The following ENTPD1 variants were observed in gnomAD, a reference collection of about 807,000 sequenced individuals.
ENTPD1 encodes the protein ectonucleoside triphosphate diphosphohydrolase 1.
In ENTPD1, 33 loss-of-function variants were observed where a neutral mutation model predicts 57.0. The observed-to-expected ratio is 0.58, with a 90% CI of 0.44 to 0.77. The LOEUF (loss-of-function observed/expected upper bound fraction) is 0.77. Among genes scored for constraint, ENTPD1 ranks in the 30% least tolerant of loss-of-function variants. The pLI, the probability that ENTPD1 is intolerant of heterozygous loss-of-function variation, is 0.00. For synonymous variants in ENTPD1, 202 were observed against 218.8 expected, an observed-to-expected ratio of 0.92 and a Z score of 0.68; for missense variants, 501 against 603.4, an observed-to-expected ratio of 0.83 and a Z score of 1.78.
chr10:95,725,349 G>C (rs561249043), intron 1 of ENTPD1, among the ~76,000 whole-genome samples: 11 of 151,900 alleles, frequency 7.2e-5, no homozygotes, highest in Non-Finnish European at 1.6e-4. Context: ...AGTTTATACT[G>C]ACTTCTTTAT....
intron 1 of ENTPD1, among the ~76,000 whole-genome samples, chr10:95,731,538 C>T (rs1167162606): frequency 6.6e-6 from 1 of 152,030 alleles, no homozygotes; most frequent in Non-Finnish European, 1.5e-5. Context: ...AGCCCATGCA[C>T]AGGACCGGCC....
chr10:95,749,772 A>C lies in ENTPD1; in HGVS notation c.37+37779A>C, dbSNP rs541255310. ...TAGAGGTGACCAACTTCCTGGTGGG[A>C]AGTTGGAAGGACTTTGGCTTTTCTT... On this transcript the variant is annotated intron_variant, in intron 1 of 9. Coordinates refer to the ENTPD1 transcript ENST00000453258. Among the ~76,000 whole-genome samples the C allele has an allele frequency of 7.9e-5, 12 of 152,298 alleles. No homozygotes were observed. In the South Asian group the frequency reaches 1.7e-3, roughly 21 times the overall value.
At chr10:95,701,340 G>A in the ENTPD1 span, among the ~76,000 whole-genome samples, 1 of 152,194 alleles carries the variant, frequency 6.6e-6, no homozygotes, top group South Asian at 2.1e-4. Context: ...TTATATTTGA[G>A]GGCAATATAT....
chr10:95,868,485 GA>G lies in ENTPD1; in HGVS notation c.*2103del. 1 of 985,410 alleles carries G rather than the reference GA, an allele frequency of 1.0e-6. No individual in the cohort carries two copies. The highest frequency in any genetic ancestry group is 1.2e-6 in the Non-Finnish European group (1 of 829,938). The allele number at this position is 985,410 out of a possible 1,614,324, so 61.0% of individuals were successfully genotyped here. A position where few individuals can be genotyped will look rare whatever the true frequency, so the allele number is the denominator to read the frequency against. ...TTTAATGTTTGCTCACAGCATAGTA[GA>G]TTGACATCAAATAGTGGCCGATGAT... On this transcript the variant is annotated 3_prime_UTR_variant, in exon 10 of 10. Transcript: ENST00000371205.
At chr10:95,718,531 T>C (rs1345266876) in intron 1 of ENTPD1, among the ~76,000 whole-genome samples, 1 of 152,170 alleles carries the variant, frequency 6.6e-6, no homozygotes, top group Non-Finnish European at 1.5e-5. Context: ...GGCTTCCTGA[T>C]GTTTGATAGG....
chr10:95,776,201 T>A (rs2140140194), intron 1 of ENTPD1, among the ~76,000 whole-genome samples: 1 of 152,356 alleles, frequency 6.6e-6, no homozygotes, highest in African/African-American at 2.4e-5. Context: ...CTGGTTATTT[T>A]ACCCATTAGT....
chr10:95,733,516 G>C (rs534581876), intron 1 of ENTPD1, among the ~76,000 whole-genome samples: 21 of 152,326 alleles, frequency 1.4e-4, no homozygotes, highest in African/African-American at 4.8e-4. Context: ...AGTGATAAAT[G>C]TCCATGAAAT....
Position 95,868,263 on chromosome 10 carries a change from A to G in ENTPD1, c.*1880A>G, listed in dbSNP as rs1476796548. On this transcript the variant is annotated 3_prime_UTR_variant, in exon 10 of 10. Coordinates refer to ENST00000371205, the MANE Select transcript of ENTPD1 (RefSeq NM_001776.6). ...CCCGAACATACCAGGCTGTCTCCTC[A>G]TAACTTCCAAGCATGCACTTAAAAC... 21 of 985,350 alleles carry G rather than the reference A, an allele frequency of 2.1e-5. No homozygotes were observed. The highest frequency in any genetic ancestry group is 2.5e-5 in the Non-Finnish European group (21 of 829,946). The allele number at this position is 985,350 out of a possible 1,614,324, so 61.0% of individuals were successfully genotyped here.
At chr10:95,696,341 C>T in the ENTPD1 span, among the ~76,000 whole-genome samples, 22 of 152,244 alleles carry the variant, frequency 1.4e-4, no homozygotes, top group East Asian at 3.9e-4. Flanking sequence ...AGTGCAGTGG[C>T]GCCATCTTGG....
chr10:95,739,286 C>CT (rs1297561552), intron 1 of ENTPD1, among the ~76,000 whole-genome samples: 2 of 152,120 alleles, frequency 1.3e-5, no homozygotes, highest in Non-Finnish European at 2.9e-5. Flanking sequence ...TTGACTCTTC[C>CT]TTTTATGACA....
chr10:95,714,608 C>T (rs572357408), intron 1 of ENTPD1, among the ~76,000 whole-genome samples: 28 of 152,224 alleles, frequency 1.8e-4, no homozygotes, highest in African/African-American at 6.5e-4. Context: ...GCTTATAACA[C>T]TTTATGATAT....
At position 95,867,744 on chromosome 10, in the gene ENTPD1, T is replaced by C. The variant is rs185581824; in HGVS notation, c.*1361T>C. 1.0e-6 allele frequency: 1 copy of C among 985,472 alleles called. No homozygotes were observed. Among genetic ancestry groups the C allele is most frequent in the Admixed American group, 6.1e-5 (1 of 16,292 alleles). 61.0% of individuals were successfully genotyped at this position (985,472 alleles called of 1,614,324 possible). ...TGACTGGTGATGTTTCATTCTGACCTTGTCCCAAGCTCTCCATCTCTAGAT... is the reference window on the plus strand; with the variant it reads ...TGACTGGTGATGTTTCATTCTGACCCTGTCCCAAGCTCTCCATCTCTAGAT... On this transcript the variant is annotated 3_prime_UTR_variant, in exon 10 of 10. Coordinates refer to ENST00000371205, the MANE Select transcript of ENTPD1 (RefSeq NM_001776.6).
upstream of ENTPD1, among the ~76,000 whole-genome samples, chr10:95,751,107 A>C (rs1457138668): frequency 1.3e-5 from 2 of 152,216 alleles, no homozygotes; most frequent in East Asian, 3.8e-4. Flanking sequence ...CAGGAAGCCT[A>C]TAACAGGAAA....
chr10:95,826,102 T>C (rs1256635118), intron 2 of ENTPD1, among the ~76,000 whole-genome samples: 1 of 152,192 alleles, frequency 6.6e-6, no homozygotes, highest in Non-Finnish European at 1.5e-5. Context: ...TAGATATGAC[T>C]GAGCTTACCA....
intron 1 of ENTPD1, among the ~76,000 whole-genome samples, chr10:95,782,571 TA>T (rs949817952): frequency 2.0e-5 from 3 of 152,140 alleles, no homozygotes; most frequent in African/African-American, 7.2e-5. Context: ...GTGAACCTGG[TA>T]AAAACAACCC....
chr10:95,756,357 A>G (rs748744282), intron 1 of ENTPD1, 102 bp downstream of exon 1: 41 of 1,319,798 alleles, frequency 3.1e-5, no homozygotes, highest in Non-Finnish European at 4.3e-5. Flanking sequence ...CTGGAGGCAA[A>G]AAGCCCTGAA....
chr10:95,768,646 T>A (rs1352414161), intron 1 of ENTPD1, among the ~76,000 whole-genome samples: 1 of 152,196 alleles, frequency 6.6e-6, no homozygotes, highest in Non-Finnish European at 1.5e-5. Flanking sequence ...CCATATAAAC[T>A]TTCATTCAGT....
At chr10:95,810,882 C>T (rs984718647) in intron 1 of ENTPD1, among the ~76,000 whole-genome samples, 2 of 152,054 alleles carry the variant, frequency 1.3e-5, no homozygotes, top group Non-Finnish European at 2.9e-5. Context: ...TAGAAAAAAA[C>T]GCAGAGGACC....
Position 95,872,546 on chromosome 10 carries a change from TG to T in ENTPD1, c.*6164del. 1 of 985,242 alleles carries T rather than the reference TG, an allele frequency of 1.0e-6. No homozygotes were observed. The highest frequency in any genetic ancestry group is 1.2e-6 in the Non-Finnish European group (1 of 829,724). 61.0% of individuals were successfully genotyped at this position (985,242 alleles called of 1,614,324 possible). ...TCCAAGTCAGAATGTCTCTTCCTTG[TG>T]CTACCACAACCCTTTAACTGAGCCT... On this transcript the variant is annotated 3_prime_UTR_variant, in exon 10 of 10. Transcript: ENST00000371205.
Sources: allele counts gnomAD v4.1 joint callset (sites outside exome capture counted in the v4.1 genomes callset), GRCh38; gene constraint gnomAD v4.1.1; transcripts MANE v1.5; gene names NCBI Gene and HGNC (gene_info 2026-07-23, HGNC 2026-07-21).